Variants in ADK observed in about 807,000 individuals in gnomAD.
ADK encodes the protein adenosine kinase.
ADK carries 24 observed loss-of-function variants against 44.7 expected under a neutral mutation model. That is an observed-to-expected ratio of 0.54 (90% CI 0.39 to 0.76). ADK has a LOEUF of 0.76. ADK is among the 30% of genes least tolerant of loss of function. The pLI is 0.00. For missense variants in ADK, 321 were observed against 425.1 expected (o/e 0.76, Z 2.15); for synonymous variants, 128 against 142.6 (o/e 0.90, Z 0.73).
At chr10:74,398,910 G>A (rs1843616163) in intron 6 of ADK, among the ~76,000 whole-genome samples, 1 of 151,932 alleles carries the variant, frequency 6.6e-6, no homozygotes, top group Non-Finnish European at 1.5e-5. Context: ...ACATTTGTAG[G>A]CAACTTGCAT....
At chr10:74,184,154 G>A (rs1842662353) in intron 1 of ADK, among the ~76,000 whole-genome samples, 2 of 150,994 alleles carry the variant, frequency 1.3e-5, no homozygotes, top group South Asian at 4.2e-4. Context: ...CTGACCTCAG[G>A]TGATCCACCC....
chr10:74,649,536 GA>G (rs1854184382), intron 9 of ADK, among the ~76,000 whole-genome samples: 1 of 151,432 alleles, frequency 6.6e-6, no homozygotes, highest in Non-Finnish European at 1.5e-5. Flanking sequence ...GAGGTGGGAG[GA>G]CCACTTGAGA....
At chr10:74,424,918 C>T (rs1274779717) in intron 6 of ADK, among the ~76,000 whole-genome samples, 1 of 152,164 alleles carries the variant, frequency 6.6e-6, no homozygotes, top group South Asian at 2.1e-4. Context: ...ATACAATCCT[C>T]TTGTTTATTT....
intron 4 of ADK, among the ~76,000 whole-genome samples, chr10:74,329,092 ATCT>A (rs964822101): frequency 1.3e-4 from 16 of 126,656 alleles, no homozygotes; most frequent in Non-Finnish European, 3.3e-5. Context: ...ATAAAATCTA[ATCT>A]TCTGTGCAGG....
chr10:74,396,056 C>A (rs753977352), intron 5 of ADK, among the ~76,000 whole-genome samples: 4 of 152,082 alleles, frequency 2.6e-5, no homozygotes, highest in African/African-American at 4.8e-5. Context: ...ATTAGATCTT[C>A]TGGATGTCAA....
chr10:74,230,533 A>G (rs966041310), intron 3 of ADK, among the ~76,000 whole-genome samples: 1 of 151,254 alleles, frequency 6.6e-6, no homozygotes, highest in African/African-American at 2.4e-5. Context: ...AAACAGTTGC[A>G]TGATCATGGC....
chr10:74,296,357 G>T (rs1440475868), intron 3 of ADK, among the ~76,000 whole-genome samples: 3 of 152,056 alleles, frequency 2.0e-5, no homozygotes, highest in Non-Finnish European at 2.9e-5. Flanking sequence ...AGCAATGTTT[G>T]TGAAGAGTTG....
intron 3 of ADK, among the ~76,000 whole-genome samples, chr10:74,288,297 T>A (rs1847267613): frequency 6.6e-6 from 1 of 152,182 alleles, no homozygotes; most frequent in Admixed American, 6.6e-5. Context: ...TAGTTGCCTA[T>A]TGGAATCTTA....
intron 1 of ADK, among the ~76,000 whole-genome samples, chr10:74,199,542 G>A (rs185889476): frequency 2.5e-4 from 38 of 152,220 alleles, no homozygotes; most frequent in African/African-American, 9.1e-4. Context: ...TGGCTGCATA[G>A]TATTCCATGG....
rs534719820 is a variant in ADK, at chr10:74,671,868, A to G, written c.964+1599A>G. On this transcript the variant is annotated intron_variant, in intron 10 of 10. Coordinates refer to ENST00000539909, the MANE Select transcript of ADK (RefSeq NM_006721.4). Reference sequence around the variant, plus strand: ...TTTGATGGTGACCTAAATAGCCACTACCTCTGGCCTTGGGTTACTTGGCTT... The same window carrying G: ...TTTGATGGTGACCTAAATAGCCACTGCCTCTGGCCTTGGGTTACTTGGCTT... Among the ~76,000 whole-genome samples, 117 of 152,270 alleles carry G rather than the reference A, an allele frequency of 7.7e-4. 2 individuals carry two copies. The highest frequency in any genetic ancestry group is 1.9e-4 in the East Asian group (1 of 5,184).
chr10:74,518,064 G>T (rs11001058), intron 6 of ADK, among the ~76,000 whole-genome samples: 3 of 152,164 alleles, frequency 2.0e-5, no homozygotes, highest in African/African-American at 7.2e-5. Flanking sequence ...TCTTGGAGTA[G>T]TCCCACAAAA....
At chr10:74,517,793 A>G (rs1848653126) in intron 6 of ADK, among the ~76,000 whole-genome samples, 2 of 152,036 alleles carry the variant, frequency 1.3e-5, no homozygotes, top group South Asian at 2.1e-4. Flanking sequence ...ATTCTCTTCT[A>G]TTTCTTTACA....
intron 7 of ADK, among the ~76,000 whole-genome samples, chr10:74,575,935 G>A (rs1219674627): frequency 1.3e-5 from 2 of 152,074 alleles, no homozygotes; most frequent in African/African-American, 2.4e-5. Context: ...GGAAACAAGA[G>A]TTTTAGGTAT....
At chr10:74,478,882 A>AT (rs1846957920) in intron 6 of ADK, among the ~76,000 whole-genome samples, 1 of 152,228 alleles carries the variant, frequency 6.6e-6, no homozygotes, top group Non-Finnish European at 1.5e-5. Flanking sequence ...CACATTTTGA[A>AT]TTCCCGTGCC....
At chr10:74,302,587 G>A (rs1480029744) in intron 3 of ADK, among the ~76,000 whole-genome samples, 2 of 152,014 alleles carry the variant, frequency 1.3e-5, no homozygotes, top group Admixed American at 6.6e-5. Flanking sequence ...GAGTCCAGGA[G>A]TTCAAAACCA....
chr10:74,404,756 A>G (rs979585083), intron 6 of ADK, among the ~76,000 whole-genome samples: 16 of 152,194 alleles, frequency 1.1e-4, no homozygotes, highest in African/African-American at 3.1e-4. Context: ...GGAGGTCAAG[A>G]TGGGAGGATG....
intron 4 of ADK, among the ~76,000 whole-genome samples, chr10:74,336,146 A>ATG (rs1841401922): frequency 6.6e-6 from 1 of 152,014 alleles, no homozygotes; most frequent in Non-Finnish European, 1.5e-5. Flanking sequence ...TACTTTTTAC[A>ATG]TGTAGATCTG....
At chr10:74,463,382 G>A (rs931129700) in intron 6 of ADK, among the ~76,000 whole-genome samples, 1 of 152,186 alleles carries the variant, frequency 6.6e-6, no homozygotes, top group Admixed American at 6.5e-5. Context: ...CCATCTGGGG[G>A]TGATGGGAGT....
At chr10:74,200,354 G>A (rs541905702) in intron 1 of ADK, among the ~76,000 whole-genome samples, 40 of 151,606 alleles carry the variant, frequency 2.6e-4, no homozygotes, top group Admixed American at 2.0e-3. Flanking sequence ...CATGGTGGCA[G>A]GCACCTTTAA....
Sources: allele counts gnomAD v4.1 joint callset (sites outside exome capture counted in the v4.1 genomes callset), GRCh38; gene constraint gnomAD v4.1.1; transcripts MANE v1.5; gene names NCBI Gene and HGNC (gene_info 2026-07-23, HGNC 2026-07-21).